Variants in COL4A6 observed in about 807,000 individuals in gnomAD.
COL4A6 encodes the protein collagen type IV alpha 6 chain.
COL4A6 carries 59 observed loss-of-function variants against 126.7 expected under a neutral mutation model. The observed-to-expected ratio is 0.47, with a 90% confidence interval of 0.38 to 0.58. The LOEUF is 0.58. COL4A6 is among the 20% of genes least tolerant of loss of function. The pLI is 0.00. For missense variants in COL4A6, 1,285 were observed against 1,337.3 expected, an observed-to-expected ratio of 0.96 and a Z score of 0.61; for synonymous variants, 547 against 496.6, an observed-to-expected ratio of 1.10 and a Z score of -1.35.
chrX:108,161,710 G>A lies in COL4A6; in HGVS notation c.4242C>T (p.Pro1414=), dbSNP rs202217935. ...LQGSKGLPGI[P]GKDGPSGLPG... is the part of the protein sequence containing the mutation. ...GGAGCCCACTGGGGCCATCTTTACCGGGGATGCCAGGTAAACCTTTGGAGC... is the reference window on the plus strand; with the variant it reads ...GGAGCCCACTGGGGCCATCTTTACCAGGGATGCCAGGTAAACCTTTGGAGC... The change falls in exon 42 of 45, where the codon CCC becomes CCT. Residue 1414 remains proline, a synonymous_variant. Coordinates refer to ENST00000334504, the MANE Select transcript of COL4A6 (RefSeq NM_033641.4). The A allele has an allele frequency of 7.5e-6, 9 of 1,200,344 alleles. No individual in the cohort carries two copies. The highest frequency in any genetic ancestry group is 1.7e-5 in the African/African-American group (1 of 57,207).
intron 3 of COL4A6, among the ~76,000 whole-genome samples, chrX:108,246,822 G>A (rs990868135): frequency 8.1e-5 from 9 of 110,626 alleles, no homozygotes; most frequent in African/African-American, 2.6e-4. Flanking sequence ...TTTGGCTTCC[G>A]CAGTGAGAGG....
At chrX:108,221,545 T>C (rs1268678368) in intron 3 of COL4A6, among the ~76,000 whole-genome samples, 171 bp from the exon 4 acceptor site, 1 of 112,702 alleles carries the variant, frequency 8.9e-6, no homozygotes, top group African/African-American at 3.2e-5. Flanking sequence ...ATTTTAGGGA[T>C]TGCTAAGCTT....
chrX:108,315,636 T>C (rs1255146327), intron 2 of COL4A6, among the ~76,000 whole-genome samples: 2 of 112,102 alleles, frequency 1.8e-5, no homozygotes, highest in African/African-American at 6.5e-5. Context: ...TGATGCTGGT[T>C]CCTATGTCTA....
chrX:108,343,721 T>G (rs1036710019), intron 2 of COL4A6, among the ~76,000 whole-genome samples: 8 of 109,736 alleles, frequency 7.3e-5, no homozygotes, highest in African/African-American at 2.3e-4. Flanking sequence ...TGCAATAAAA[T>G]TTTGGTTTTT....
rs760481308 is a variant in COL4A6 at position 108,159,516 on chromosome X, G to A, written c.4758C>T (p.Ile1586=). The change falls in exon 44 of 45, where the codon ATC becomes ATT. Residue 1586 remains isoleucine (I), a synonymous_variant. Coordinates refer to ENST00000334504, the MANE Select transcript of COL4A6 (RefSeq NM_033641.4). ...TGCGCCAGCCCAGGGGGCACTGCGG[G>A]ATGGTGATGTCCTGGCTGTGCACAG... The part of the protein sequence containing the change: ...AIAVHSQDIT[I]PQCPLGWRSL... 6.1e-5 allele frequency: 74 copies of A among 1,211,079 alleles called. No individual in the cohort carries two copies. In the South Asian group the frequency reaches 1.1e-3, roughly 18 times the overall value.
At chrX:108,172,443 T>C (rs1003232524) in intron 32 of COL4A6, 26 bp downstream of exon 32, 25 of 1,142,539 alleles carry the variant, frequency 2.2e-5, no homozygotes, top group Non-Finnish European at 2.9e-5. Context: ...AAGAAAACAT[T>C]AAAAGAAAAA....
In COL4A6 at chrX:108,165,362, G is replaced by A. The variant is rs1227198007; in HGVS notation, c.3808+8C>T. ...TGGCTAGCCCTCTTTTGGGCTTCCT[G>A]TCTTTACCTCGTTCTCCATCTAGGC... is the stretch of plus-strand genomic sequence containing the variant. On this transcript the variant is annotated splice_region_variant and intron_variant, in intron 38 of 44. Coordinates refer to ENST00000334504, the MANE Select transcript of COL4A6 (RefSeq NM_033641.4). 2 of 1,194,653 alleles carry A rather than the reference G, an allele frequency of 1.7e-6. No homozygotes were observed. Among genetic ancestry groups the A allele is most frequent in the African/African-American group, 3.5e-5 (2 of 56,868 alleles).
intron 3 of COL4A6, among the ~76,000 whole-genome samples, chrX:108,231,847 T>G (rs756762629): frequency 8.9e-6 from 1 of 112,238 alleles, no homozygotes; most frequent in African/African-American, 3.2e-5. Flanking sequence ...ATATAATTAA[T>G]AAATTAAGAA....
At chrX:108,407,033 A>G (rs1162902774) in intron 2 of COL4A6, among the ~76,000 whole-genome samples, 1 of 112,360 alleles carries the variant, frequency 8.9e-6, no homozygotes, top group Non-Finnish European at 1.9e-5. Context: ...CTTCTAGAAC[A>G]TAAGGACAGG....
intron 5 of COL4A6, among the ~76,000 whole-genome samples, chrX:108,217,508 C>T (rs2035892148): frequency 9.0e-6 from 1 of 111,047 alleles, no homozygotes. Context: ...GGTCATGGGC[C>T]TCTCAGGCTT....
chrX:108,204,364 C>T lies in COL4A6; in HGVS notation c.736G>A (p.Glu246Lys). ...GPAGPPPSTGELEFMGFPKGK... is the reference protein window; with the variant it reads ...GPAGPPPSTGKLEFMGFPKGK... Reference sequence around the variant, plus strand: ...TTGGGGAATCCCATGAATTCCAGCTCTCCAGTAGATGGTGGAGGTCCTGCT... The same window carrying T: ...TTGGGGAATCCCATGAATTCCAGCTTTCCAGTAGATGGTGGAGGTCCTGCT... The change falls in exon 12 of 45, where the codon GAG becomes AAG. Residue 246 changes from glutamate (E) to lysine (K), a missense_variant. Glu to Lys is a moderately conservative substitution (Grantham distance 56). Transcript: ENST00000334504. 1 of 1,206,317 alleles carries T rather than the reference C, an allele frequency of 8.3e-7. No individual in the cohort carries two copies. The highest frequency in any genetic ancestry group is 1.1e-6 in the Non-Finnish European group (1 of 892,183).
intron 2 of COL4A6, among the ~76,000 whole-genome samples, chrX:108,321,602 T>G (rs1450401057): frequency 9.0e-6 from 1 of 111,276 alleles, no homozygotes; most frequent in African/African-American, 3.3e-5. Flanking sequence ...TTTTCCAGAT[T>G]AAAAAAACAT....
chrX:108,180,684 G>A (rs962676315), intron 24 of COL4A6, 62 bp from the exon 25 acceptor site: 3 of 949,259 alleles, frequency 3.2e-6, no homozygotes, highest in Non-Finnish European at 4.4e-6. Flanking sequence ...TATGATTTGT[G>A]ATGTTCAGTC....
At chrX:108,351,572 G>T in intron 2 of COL4A6, among the ~76,000 whole-genome samples, 1 of 108,616 alleles carries the variant, frequency 9.2e-6, no homozygotes, top group South Asian at 4.2e-4. Flanking sequence ...CCCTGTGATT[G>T]CAATCTACTA....
chrX:108,224,359 A>G (rs1288463052), intron 3 of COL4A6, among the ~76,000 whole-genome samples: 2 of 112,316 alleles, frequency 1.8e-5, no homozygotes, highest in Non-Finnish European at 3.8e-5. Flanking sequence ...TTTTCCAAAT[A>G]GAAGTTTGAA....
intron 3 of COL4A6, among the ~76,000 whole-genome samples, chrX:108,282,710 C>T (rs62601452): frequency 0.11 from 11,776 of 106,846 alleles, 824 homozygotes; most frequent in Non-Finnish European, 0.17. Flanking sequence ...ATGTTTATTG[C>T]GGCACTATTC....
intron 2 of COL4A6, among the ~76,000 whole-genome samples, chrX:108,417,266 A>G (rs935632490): frequency 8.9e-6 from 1 of 111,842 alleles, no homozygotes; most frequent in Non-Finnish European, 1.9e-5. Context: ...ACAAGCACAC[A>G]TGAAGAAGAA....
At chrX:108,174,282 G>C (rs752264220) in intron 31 of COL4A6, among the ~76,000 whole-genome samples, 158 bp downstream of exon 31, 2 of 111,971 alleles carry the variant, frequency 1.8e-5, no homozygotes, top group East Asian at 5.6e-4. Flanking sequence ...GAAAGGGTGG[G>C]AAGACCTGTC....
At position 108,165,420 on chromosome X, in the gene COL4A6, ATGAG is replaced by A; in HGVS notation, c.3754_3757del (p.Leu1252Ter). 1 of 1,209,261 alleles carries A rather than the reference ATGAG, an allele frequency of 8.3e-7. No homozygotes were observed. The highest frequency in any genetic ancestry group is 1.1e-6 in the Non-Finnish European group (1 of 894,645). ...CCCGGGGTCACCAGGCTGTCCTGCT[ATGAG>A]TGAGGGCAAGGAGATGCCTGGGGCA... is the stretch of plus-strand genomic sequence containing the variant. On this transcript the variant is annotated frameshift_variant, in exon 38 of 45. Coordinates refer to ENST00000334504, the MANE Select transcript of COL4A6 (RefSeq NM_033641.4). LOFTEE classifies it high-confidence loss of function.
Sources: allele counts gnomAD v4.1 joint callset (sites outside exome capture counted in the v4.1 genomes callset), GRCh38; gene constraint gnomAD v4.1.1; transcripts MANE v1.5; gene names NCBI Gene and HGNC (gene_info 2026-07-23, HGNC 2026-07-21).